PTPN13: variants seen among roughly 807,000 people sequenced by gnomAD.
The protein encoded by PTPN13 is tyrosine-protein phosphatase non-receptor type 13.
In PTPN13, 191 loss-of-function variants were observed where a neutral mutation model predicts 284.0. The ratio of observed to expected loss-of-function variants is 0.67; its 90% CI spans 0.60 to 0.76. PTPN13 has a LOEUF of 0.76. Among genes scored for constraint, PTPN13 ranks in the 30% least tolerant of loss-of-function variants. The pLI, the probability that PTPN13 is intolerant of heterozygous loss-of-function variation, is 0.00. For synonymous variants in PTPN13, 986 were observed against 1,022.3 expected, an observed-to-expected ratio of 0.96 and a Z score of 0.68; for missense variants, 2,797 against 2,939.9, an observed-to-expected ratio of 0.95 and a Z score of 1.12.
intron 40 of PTPN13, among the ~76,000 whole-genome samples, chr4:86,788,695 A>G (rs866286949): frequency 1.3e-5 from 2 of 152,246 alleles, no homozygotes; most frequent in Non-Finnish European, 2.9e-5. Flanking sequence ...TATTGTCTAC[A>G]GTTTCAAAAC....
At position 86,814,591 on chromosome 4, in the gene PTPN13, TA is replaced by T; in HGVS notation, c.*42del. The T allele has an allele frequency of 6.6e-7, 1 of 1,509,266 alleles. No individual in the cohort carries two copies. The highest frequency in any genetic ancestry group is 1.4e-5 in the African/African-American group (1 of 72,628). 93.5% of individuals were successfully genotyped at this position (1,509,266 alleles called of 1,614,324 possible). A position where few individuals can be genotyped will look rare whatever the true frequency, so the allele number is the denominator to read the frequency against. On this transcript the variant is annotated 3_prime_UTR_variant, in exon 48 of 48. Transcript: ENST00000411767. Reference sequence around the variant, plus strand: ...CTGGATGCATTTCCATTTCTCTCCTTAACCTCCAGCAGACTCCTGCTCTCTA... The same window carrying T: ...CTGGATGCATTTCCATTTCTCTCCTTACCTCCAGCAGACTCCTGCTCTCTA...
chr4:86,690,957 C>A (rs1230915238), intron 5 of PTPN13, among the ~76,000 whole-genome samples: 1 of 151,704 alleles, frequency 6.6e-6, no homozygotes, highest in African/African-American at 2.4e-5. Context: ...AATGCCATAA[C>A]CATTTGCTTA....
rs2149006331 is a variant in PTPN13 at position 86,701,224 on chromosome 4, G to C, written c.635-17G>C. Reference sequence around the variant, plus strand: ...CTAAAAATTGTGTGCATACATGATAGATTCTTATCATTCCAGGAAGAAGCT... The same window carrying C: ...CTAAAAATTGTGTGCATACATGATACATTCTTATCATTCCAGGAAGAAGCT... On this transcript the variant is annotated splice_polypyrimidine_tract_variant and intron_variant, in intron 6 of 47. Transcript: ENST00000411767. 6.6e-7 allele frequency: 1 copy of C among 1,511,186 alleles called. No homozygotes were observed. The highest frequency in any genetic ancestry group is 1.3e-5 in the South Asian group (1 of 74,662). 93.6% of individuals were successfully genotyped at this position (1,511,186 alleles called of 1,614,324 possible).
At chr4:86,735,199 A>G (rs1007654138) in intron 14 of PTPN13, among the ~76,000 whole-genome samples, 3 of 152,198 alleles carry the variant, frequency 2.0e-5, no homozygotes, top group African/African-American at 7.2e-5. Flanking sequence ...CCTGCCTTCC[A>G]CATGATGGGC....
At chr4:86,640,607 G>A (rs1355594337) in intron 2 of PTPN13, among the ~76,000 whole-genome samples, 1 of 152,136 alleles carries the variant, frequency 6.6e-6, no homozygotes, top group African/African-American at 2.4e-5. Context: ...GATGTTCAGA[G>A]GAGGGAGAGA....
At chr4:86,645,011 C>G (rs1724248540) in intron 2 of PTPN13, among the ~76,000 whole-genome samples, 1 of 152,066 alleles carries the variant, frequency 6.6e-6, no homozygotes, top group Non-Finnish European at 1.5e-5. Flanking sequence ...GAGTTCGTGA[C>G]CAGCCTGCGA....
Position 86,770,161 on chromosome 4 carries a change from C to A in PTPN13, c.4765C>A (p.Pro1589Thr), listed in dbSNP as rs906563287. The A allele has an allele frequency of 2.5e-6, 4 of 1,613,640 alleles. No homozygotes were observed. In the African/African-American group the frequency reaches 4.0e-5, roughly 16 times the overall value. Reference protein sequence around the residue: ...PEVFLLLCRPPPGVLPEIDTA... With the variant: ...PEVFLLLCRPTPGVLPEIDTA... Reference sequence around the variant, plus strand: ...AGTATTCTTGCTTCTCTGCAGACCTCCACCTGGTGTGCTACCGGAAATTGA... The same window carrying A: ...AGTATTCTTGCTTCTCTGCAGACCTACACCTGGTGTGCTACCGGAAATTGA... Residue 1589 changes from proline (P) to threonine (T), a missense_variant, in exon 30 of 48, where the codon CCA becomes ACA. By Grantham distance (38) the Pro-to-Thr change is conservative. Coordinates refer to ENST00000411767, the MANE Select transcript of PTPN13 (RefSeq NM_080683.3).
rs1310413201 is a variant in PTPN13, at chr4:86,734,848, G to T, written c.2124G>T (p.Gln708His). 7.4e-6 allele frequency: 12 copies of T among 1,612,982 alleles called. No individual in the cohort carries two copies. Among genetic ancestry groups the T allele is most frequent in the Non-Finnish European group, 9.3e-6 (11 of 1,179,312 alleles). Residue 708 changes from glutamine (Q) to histidine (H), a missense_variant, in exon 14 of 48, where the codon CAG (glutamine) becomes CAT (histidine). Transcript: ENST00000411767. ...TATTGCTGGCATCCTTGGCTCTCCAGGCTGAGTATGGAGATTATCAACCAG... is the reference window on the plus strand; with the variant it reads ...TATTGCTGGCATCCTTGGCTCTCCATGCTGAGTATGGAGATTATCAACCAG... ...TSLLLASLAL[Q>H]AEYGDYQPEV...
Position 86,775,264 on chromosome 4 carries a change from G to T in PTPN13, c.5602G>T (p.Val1868Phe), listed in dbSNP as rs147016983. Residue 1868 changes from valine (V) to phenylalanine (F), a missense_variant, in exon 34 of 48, where the codon GTT becomes TTT. Coordinates refer to ENST00000411767, the MANE Select transcript of PTPN13 (RefSeq NM_080683.3). The stretch of plus-strand genomic sequence containing the variant: ...AACAGTCAGATTAGTTATTGGACGA[G>T]TTCTAGAATTACCCAGAATACCAAT... ...SKTVRLVIGR[V>F]LELPRIPMLP... 6.2e-6 allele frequency: 10 copies of T among 1,613,674 alleles called. No individual in the cohort carries two copies. The East Asian group carries it at 2.2e-4, about 36-fold the overall frequency.
intron 44 of PTPN13, among the ~76,000 whole-genome samples, chr4:86,806,232 T>A (rs1222477537): frequency 6.6e-6 from 1 of 151,904 alleles, no homozygotes; most frequent in Non-Finnish European, 1.5e-5. Context: ...AAAATCACAC[T>A]GTGATTTTTT....
intron 1 of PTPN13, among the ~76,000 whole-genome samples, chr4:86,596,551 C>T (rs1275298029): frequency 6.6e-6 from 1 of 152,110 alleles, no homozygotes; most frequent in Non-Finnish European, 1.5e-5. Context: ...TGAGAATTAG[C>T]TAATCATTTG....
intron 6 of PTPN13, among the ~76,000 whole-genome samples, chr4:86,694,827 G>A (rs1266479314): frequency 6.6e-6 from 1 of 152,110 alleles, no homozygotes; most frequent in East Asian, 1.9e-4. Flanking sequence ...CTAGGTAGAA[G>A]TAAATGTACA....
intron 39 of PTPN13, 98 bp downstream of exon 39, chr4:86,785,466 C>T: frequency 9.7e-7 from 1 of 1,032,000 alleles, no homozygotes. Context: ...AGTTCTTCTT[C>T]TGTTCCTCAT....
Position 86,693,591 on chromosome 4 carries a change from A to G in PTPN13, c.551A>G (p.Asp184Gly), listed in dbSNP as rs1247631078. ...KLVLGNLSGT[D>G]QLSCNSEQKP... ...TTTTTTATTACCTGTGTACAGACAG[A>G]TCAGCTTTCCTGTAACAGTGAACAA... Residue 184 changes from aspartate (D) to glycine (G), a missense_variant, in exon 6 of 48, where the codon GAT becomes GGT. Coordinates refer to ENST00000411767, the MANE Select transcript of PTPN13 (RefSeq NM_080683.3). 1 of 1,547,764 alleles carries G rather than the reference A, an allele frequency of 6.5e-7. No individual in the cohort carries two copies. Among genetic ancestry groups the G allele is most frequent in the Admixed American group, 1.9e-5 (1 of 51,318 alleles).
At chr4:86,752,401 A>T (rs547320243) in intron 19 of PTPN13, among the ~76,000 whole-genome samples, 22 of 152,290 alleles carry the variant, frequency 1.4e-4, no homozygotes, top group African/African-American at 5.3e-4. Context: ...CAGAGACTAT[A>T]CTATCAATTT....
intron 28 of PTPN13, 25 bp from the exon 29 acceptor site, chr4:86,769,744 A>C: frequency 1.4e-6 from 2 of 1,456,132 alleles, no homozygotes; most frequent in Non-Finnish European, 1.9e-6. Context: ...TAATATCTAA[A>C]TTTTTTTTAT....
rs558132901 is a variant in PTPN13, at chr4:86,609,802, T to C, written c.-6+15013T>C. 3.2e-4 allele frequency among the ~76,000 whole-genome samples: 49 copies of C among 152,220 alleles called. 3 individuals carry two copies. The South Asian group carries it at 1.0e-2, about 31-fold the overall frequency. ...TTTATGGTTTTGTTTAAGTTGAAAA[T>C]TTTCTTTTAATTGAGGTTGACAAAT... On this transcript the variant is annotated intron_variant, in intron 1 of 47. Transcript: ENST00000411767.
chr4:86,599,341 G>A (rs979288492), intron 1 of PTPN13, among the ~76,000 whole-genome samples: 5 of 152,090 alleles, frequency 3.3e-5, no homozygotes, highest in African/African-American at 1.2e-4. Context: ...AAGCATCTAT[G>A]TATATGCCTA....
chr4:86,727,106 G>A (rs1578509273), intron 10 of PTPN13, among the ~76,000 whole-genome samples: 1 of 149,688 alleles, frequency 6.7e-6, no homozygotes, highest in East Asian at 1.9e-4. Context: ...TTTATGTGTT[G>A]AATTACATTT....
Sources: gnomAD v4.1 joint callset for allele counts (sites outside exome capture counted in the v4.1 genomes callset) on GRCh38, gnomAD v4.1.1 for gene constraint, MANE v1.5 for transcripts, NCBI Gene and HGNC (gene_info 2026-07-23, HGNC 2026-07-21) for gene names.